ASXL3: variants seen among roughly 807,000 people sequenced by gnomAD.
ASXL3 encodes the protein putative Polycomb group protein ASXL3.
ASXL3 carries 34 observed loss-of-function variants against 170.6 expected under a neutral mutation model. The observed-to-expected ratio is 0.20, with a 90% CI of 0.15 to 0.27. ASXL3 has a LOEUF of 0.27. ASXL3 is among the 10% of genes least tolerant of loss of function. The probability of loss-of-function intolerance (pLI) is 1.00; values close to 1 mark genes in which losing one functional copy is unlikely to be tolerated. For missense variants in ASXL3, 2,592 were observed against 2,695.3 expected, an observed-to-expected ratio of 0.96 and a Z score of 0.85; for synonymous variants, 1,002 against 989.1, an observed-to-expected ratio of 1.01 and a Z score of -0.24.
chr18:33,636,741 G>A (rs1185493138), intron 2 of ASXL3, among the ~76,000 whole-genome samples: 1 of 152,050 alleles, frequency 6.6e-6, no homozygotes, highest in East Asian at 1.9e-4. Context: ...GTAATATAAT[G>A]CAGGTTGAGT....
At chr18:33,677,627 A>G (rs2066449090) in intron 7 of ASXL3, among the ~76,000 whole-genome samples, 1 of 152,194 alleles carries the variant, frequency 6.6e-6, no homozygotes, top group Non-Finnish European at 1.5e-5. Context: ...TCCTACCTGC[A>G]TGTTTTCGTT....
chr18:33,696,010 G>A (rs2066768751), intron 8 of ASXL3, among the ~76,000 whole-genome samples: 1 of 152,088 alleles, frequency 6.6e-6, no homozygotes, highest in African/African-American at 2.4e-5. Context: ...GACAGTTTGA[G>A]GGGGAGAATC....
chr18:33,713,564 A>G (rs566217821), intron 8 of ASXL3, among the ~76,000 whole-genome samples: 124 of 152,174 alleles, frequency 8.1e-4, no homozygotes, highest in Middle Eastern at 6.8e-3. Context: ...CTGAGCTTTC[A>G]TTCATTGTCT....
intron 5 of ASXL3, among the ~76,000 whole-genome samples, chr18:33,668,376 C>T (rs1211698449): frequency 6.7e-6 from 1 of 149,272 alleles, no homozygotes; most frequent in Non-Finnish European, 1.5e-5. Flanking sequence ...TGCAGTGAGC[C>T]GAGATTGCAC....
rs1015057251 is a variant in ASXL3, at chr18:33,683,344, A to G, written c.716-61A>G. The G allele has an allele frequency of 1.3e-5, 19 of 1,411,648 alleles. No homozygotes were observed. In the African/African-American group the frequency reaches 2.6e-4, roughly 19 times the overall value. The allele number at this position is 1,411,648 out of a possible 1,614,324, so 87.4% of individuals were successfully genotyped here. On this transcript the variant is annotated intron_variant, in intron 7 of 11. Transcript: ENST00000269197. ...GATATATGTGGCTGTGTTTGTGTGT[A>G]CGTACGTACACGTTTCCCTCTACCT...
intron 2 of ASXL3, among the ~76,000 whole-genome samples, chr18:33,632,247 T>C (rs1386461251): frequency 2.0e-5 from 3 of 152,088 alleles, no homozygotes; most frequent in Non-Finnish European, 2.9e-5. Flanking sequence ...TCTTATAGGA[T>C]TTTTTTCCTT....
Position 33,646,312 on chromosome 18 carries a change from C to G in ASXL3, c.314C>G (p.Thr105Arg), listed in dbSNP as rs775048629. The G allele has an allele frequency of 8.7e-6, 14 of 1,610,678 alleles. No individual in the cohort carries two copies. The South Asian group carries it at 1.1e-4, about 13-fold the overall frequency. ...GTCTGTGAATCTGAATTGGATGGTA[C>G]AGATATGGCCGAGGCAAATGCCCAT... Reference protein sequence around the residue: ...DLVCESELDGTDMAEANAHGE... With the variant: ...DLVCESELDGRDMAEANAHGE... Residue 105 changes from threonine to arginine, a missense_variant, in exon 4 of 12, where the codon ACA becomes AGA. Thr to Arg is a moderately conservative substitution (Grantham distance 71, BLOSUM62 -1). Around this residue, in one of 4 missense-constraint regions of ASXL3, gnomAD observed 251 missense variants for 281.9 expected, o/e 0.89. Coordinates refer to ENST00000269197, the MANE Select transcript of ASXL3 (RefSeq NM_030632.3).
At chr18:33,735,240 A>C (rs569250138) in intron 10 of ASXL3, among the ~76,000 whole-genome samples, 2 of 152,332 alleles carry the variant, frequency 1.3e-5, no homozygotes, top group African/African-American at 4.8e-5. Flanking sequence ...TCACAAAATT[A>C]CACTTGTAAA....
intron 8 of ASXL3, among the ~76,000 whole-genome samples, chr18:33,726,626 GTTTCT>G (rs532523956): frequency 5.6e-4 from 85 of 152,188 alleles, no homozygotes; most frequent in African/African-American, 8.9e-4. Context: ...TTAATTACAT[GTTTCT>G]TTTATTTTTT....
chr18:33,643,552 TAA>T (rs1052268836), intron 2 of ASXL3, among the ~76,000 whole-genome samples: 6 of 152,026 alleles, frequency 3.9e-5, no homozygotes, highest in Admixed American at 3.3e-4. Context: ...AGCTGCTTCC[TAA>T]AATAATTGTC....
At chr18:33,596,730 G>T (rs184898717) in intron 1 of ASXL3, among the ~76,000 whole-genome samples, 1 of 152,210 alleles carries the variant, frequency 6.6e-6, no homozygotes, top group Non-Finnish European at 1.5e-5. Flanking sequence ...ACAGTATAAG[G>T]CATGTAACTG....
chr18:33,616,921 T>G (rs571337590), intron 2 of ASXL3, among the ~76,000 whole-genome samples: 51 of 152,294 alleles, frequency 3.3e-4, no homozygotes, highest in African/African-American at 1.1e-3. Flanking sequence ...AGGGCCCATC[T>G]TCAAATGCAG....
At chr18:33,660,716 C>G (rs886094211) in intron 4 of ASXL3, among the ~76,000 whole-genome samples, 2 of 152,114 alleles carry the variant, frequency 1.3e-5, no homozygotes, top group African/African-American at 2.4e-5. Flanking sequence ...ACTCCTTCTC[C>G]CCCAGTGTAT....
intron 8 of ASXL3, among the ~76,000 whole-genome samples, chr18:33,698,545 T>G (rs183827096): frequency 6.6e-6 from 1 of 152,068 alleles, no homozygotes; most frequent in African/African-American, 2.4e-5. Flanking sequence ...TTGGGAACCA[T>G]TGATGTATGC....
intron 8 of ASXL3, among the ~76,000 whole-genome samples, chr18:33,727,457 A>T (rs1182053553): frequency 6.6e-6 from 1 of 152,130 alleles, no homozygotes; most frequent in East Asian, 1.9e-4. Context: ...TGTTAATAGG[A>T]TCCATACCAA....
chr18:33,674,775 C>T (rs2066399043), intron 7 of ASXL3, among the ~76,000 whole-genome samples: 4 of 152,048 alleles, frequency 2.6e-5, no homozygotes, highest in African/African-American at 7.2e-5. Flanking sequence ...CCCACCACCA[C>T]ACCCGGCTAA....
In ASXL3 at chr18:33,749,205, G is replaced by A. The variant is rs1188804063; in HGVS notation, c.*2610G>A. The A allele has an allele frequency of 6.6e-6, 1 of 151,440 alleles. No homozygotes were observed. Among genetic ancestry groups the A allele is most frequent in the African/African-American group, 2.4e-5 (1 of 41,156 alleles). 9.4% of individuals were successfully genotyped at this position (151,440 alleles called of 1,614,324 possible). A position where few individuals can be genotyped will look rare whatever the true frequency, so the allele number is the denominator to read the frequency against. On this transcript the variant is annotated 3_prime_UTR_variant, in exon 12 of 12. Coordinates refer to ENST00000269197, the MANE Select transcript of ASXL3 (RefSeq NM_030632.3). ...AAGAGAAATTTAGATGTAAAATGTG[G>A]GTCAGATATTTTATAGGTTTCCATT...
intron 8 of ASXL3, among the ~76,000 whole-genome samples, chr18:33,704,510 A>C (rs1279688216): frequency 2.6e-5 from 4 of 152,064 alleles, no homozygotes; most frequent in African/African-American, 9.7e-5. Context: ...GCTACTCATA[A>C]GTGTCCCATT....
At position 33,646,365 on chromosome 18, in the gene ASXL3, GA is replaced by G; in HGVS notation, c.355+14del. 1 of 1,574,040 alleles carries G rather than the reference GA, an allele frequency of 6.4e-7. No homozygotes were observed. Among genetic ancestry groups the G allele is most frequent in the Non-Finnish European group, 8.7e-7 (1 of 1,148,152 alleles). On this transcript the variant is annotated intron_variant, in intron 4 of 11. Transcript: ENST00000269197. ...AGAAGAAAATGGAGGTAAGTGTGAT[GA>G]ATTCCAAAATATAATCCCTTGTTCT...
Sources: allele counts gnomAD v4.1 joint callset (sites outside exome capture counted in the v4.1 genomes callset), GRCh38; gene constraint gnomAD v4.1.1; regional missense constraint gnomAD v4.1.1; transcripts MANE v1.5; gene names NCBI Gene and HGNC (gene_info 2026-07-23, HGNC 2026-07-21).